Variants in PLXDC2 observed in about 807,000 individuals in gnomAD.
PLXDC2 encodes plexin domain-containing protein 2.
In PLXDC2, 40 loss-of-function variants were observed where a neutral mutation model predicts 68.9. The ratio of observed to expected loss-of-function variants is 0.58; its 90% CI spans 0.45 to 0.76. The LOEUF (loss-of-function observed/expected upper bound fraction) is 0.76. Among genes scored for constraint, PLXDC2 ranks in the 30% least tolerant of loss-of-function variants. The pLI is 0.00. For missense variants in PLXDC2, 644 were observed against 661.9 expected, an observed-to-expected ratio of 0.97 and a Z score of 0.30; for synonymous variants, 243 against 234.2, an observed-to-expected ratio of 1.04 and a Z score of -0.34.
chr10:20,255,849 G>T (rs1301641695), intron 13 of PLXDC2, among the ~76,000 whole-genome samples: 1 of 151,876 alleles, frequency 6.6e-6, no homozygotes, highest in African/African-American at 2.4e-5. Flanking sequence ...GTTTGAAAAT[G>T]GATTAAGATT....
chr10:19,833,720 T>G (rs1292845780), intron 1 of PLXDC2, among the ~76,000 whole-genome samples: 3 of 152,216 alleles, frequency 2.0e-5, no homozygotes, highest in African/African-American at 7.2e-5. Context: ...CCTTGGATGA[T>G]AAGTTAACTT....
intron 2 of PLXDC2, among the ~76,000 whole-genome samples, chr10:20,040,954 A>G (rs1338062606): frequency 6.6e-6 from 1 of 152,196 alleles, no homozygotes; most frequent in Non-Finnish European, 1.5e-5. Context: ...GTTGCCTGCT[A>G]TGAAACATTA....
chr10:20,136,242 G>C (rs1032468514), intron 4 of PLXDC2, among the ~76,000 whole-genome samples: 11 of 152,134 alleles, frequency 7.2e-5, no homozygotes, highest in Admixed American at 1.3e-4. Flanking sequence ...TGTAAAACCT[G>C]TCATTGTGCT....
chr10:20,077,554 T>C (rs532072922), intron 4 of PLXDC2, among the ~76,000 whole-genome samples: 14 of 152,320 alleles, frequency 9.2e-5, no homozygotes, highest in South Asian at 6.2e-4. Flanking sequence ...GAGATTTTCA[T>C]TTAATCTGCT....
At chr10:20,144,741 A>G (rs577073396) in intron 5 of PLXDC2, among the ~76,000 whole-genome samples, 1 of 152,306 alleles carries the variant, frequency 6.6e-6, no homozygotes, top group South Asian at 2.1e-4. Context: ...TCCTACGGAA[A>G]CAATAAATGA....
intron 4 of PLXDC2, among the ~76,000 whole-genome samples, chr10:20,080,510 G>A (rs1310370375): frequency 3.9e-5 from 6 of 152,148 alleles, no homozygotes; most frequent in Admixed American, 6.6e-5. Context: ...AAAAGCTGAA[G>A]ATCTTAGAGT....
intron 1 of PLXDC2, among the ~76,000 whole-genome samples, chr10:19,870,185 G>T (rs553556318): frequency 6.6e-6 from 1 of 152,070 alleles, no homozygotes; most frequent in African/African-American, 2.4e-5. Flanking sequence ...ATACTGCAGC[G>T]TAAAACCCAA....
intron 13 of PLXDC2, among the ~76,000 whole-genome samples, chr10:20,253,878 T>C (rs1835709880): frequency 1.3e-5 from 2 of 152,160 alleles, no homozygotes; most frequent in South Asian, 4.1e-4. Flanking sequence ...CAACCCCAGC[T>C]GTATGGTTGT....
At chr10:19,834,720 G>T (rs61841506) in intron 1 of PLXDC2, among the ~76,000 whole-genome samples, 428 of 152,334 alleles carry the variant, frequency 2.8e-3, no homozygotes, top group Non-Finnish European at 4.5e-3. Context: ...TGATAGTGAG[G>T]TTTAGCTCTG....
intron 13 of PLXDC2, among the ~76,000 whole-genome samples, chr10:20,267,518 C>T (rs1324865592): frequency 6.6e-6 from 1 of 152,052 alleles, no homozygotes; most frequent in African/African-American, 2.4e-5. Flanking sequence ...TGTAACTCAA[C>T]CAGGAGCTAA....
chr10:20,260,861 T>C (rs1185368489), intron 13 of PLXDC2, among the ~76,000 whole-genome samples: 1 of 152,238 alleles, frequency 6.6e-6, no homozygotes, highest in Admixed American at 6.5e-5. Context: ...ACACTTGTTA[T>C]CTCTTGTCTT....
At chr10:20,115,024 A>AT (rs368799104) in intron 4 of PLXDC2, among the ~76,000 whole-genome samples, 18 of 151,856 alleles carry the variant, frequency 1.2e-4, no homozygotes, top group South Asian at 2.1e-4. Context: ...CCGCAATGCA[A>AT]TTTTTTTTTA....
chr10:20,114,649 G>A (rs1441994136), intron 4 of PLXDC2, among the ~76,000 whole-genome samples: 2 of 152,208 alleles, frequency 1.3e-5, no homozygotes, highest in Admixed American at 6.5e-5. Context: ...CTTCACAGAC[G>A]AGGAGAAGCT....
intron 1 of PLXDC2, among the ~76,000 whole-genome samples, chr10:19,856,630 T>C (rs151065227): frequency 1.6e-3 from 239 of 152,292 alleles, no homozygotes; most frequent in African/African-American, 5.5e-3. Flanking sequence ...TCTTTTTACA[T>C]CCCTGTCTTT....
rs556931154 is a variant in PLXDC2 at position 20,132,077 on chromosome 10, G to C, written c.542-11218G>C. Reference sequence around the variant, plus strand: ...TTGTTTGTCTCAAGATATCTTTTAAGATCACTATTGATTTCTTCTTTGACT... The same window carrying C: ...TTGTTTGTCTCAAGATATCTTTTAACATCACTATTGATTTCTTCTTTGACT... On this transcript the variant is annotated intron_variant, in intron 4 of 13. Transcript: ENST00000377252. 2.6e-5 allele frequency among the ~76,000 whole-genome samples: 4 copies of C among 152,254 alleles called. No individual in the cohort carries two copies. In the East Asian group the frequency reaches 7.7e-4, roughly 29 times the overall value.
chr10:20,230,138 A>G (rs1277437601), intron 12 of PLXDC2, among the ~76,000 whole-genome samples: 1 of 152,254 alleles, frequency 6.6e-6, no homozygotes, highest in East Asian at 1.9e-4. Flanking sequence ...CACTTTCATT[A>G]AAAGCATAGG....
At chr10:20,254,317 G>A (rs1177685754) in intron 13 of PLXDC2, among the ~76,000 whole-genome samples, 1 of 152,160 alleles carries the variant, frequency 6.6e-6, no homozygotes, top group Non-Finnish European at 1.5e-5. Flanking sequence ...AGACTGCTGG[G>A]AAGAAAAAAG....
intron 5 of PLXDC2, among the ~76,000 whole-genome samples, chr10:20,145,707 G>A (rs1234099895): frequency 4.0e-5 from 6 of 151,788 alleles, no homozygotes; most frequent in Non-Finnish European, 7.4e-5. Context: ...CCACCACCAC[G>A]CCCGGCTAAT....
chr10:20,250,223 A>T (rs1835656775), intron 13 of PLXDC2, among the ~76,000 whole-genome samples: 1 of 149,998 alleles, frequency 6.7e-6, no homozygotes. Context: ...AGCCAAGATC[A>T]CACCACTGCA....
Sources: gnomAD v4.1 joint callset for allele counts (sites outside exome capture counted in the v4.1 genomes callset) on GRCh38, gnomAD v4.1.1 for gene constraint, MANE v1.5 for transcripts, NCBI Gene and HGNC (gene_info 2026-07-23, HGNC 2026-07-21) for gene names.